The following RNF220 variants were observed in gnomAD, a reference collection of about 807,000 sequenced individuals.
RNF220 encodes the protein ring finger protein 220, also known as E3 ubiquitin-protein ligase RNF220.
Under a neutral mutation model 67.1 loss-of-function variants are expected in RNF220, and 7 were observed. That is an observed-to-expected ratio of 0.10 (90% CI 0.06 to 0.20). RNF220 has a LOEUF of 0.20. Among genes scored for constraint, RNF220 ranks in the 10% least tolerant of loss-of-function variants. The pLI, the probability that RNF220 is intolerant of heterozygous loss-of-function variation, is 1.00. For synonymous variants in RNF220, 270 were observed against 283.2 expected, an observed-to-expected ratio of 0.95 and a Z score of 0.47; for missense variants, 565 against 740.3, an observed-to-expected ratio of 0.76 and a Z score of 2.75.
chr1:44,461,179 G>T (rs2147959794), intron 2 of RNF220, among the ~76,000 whole-genome samples: 1 of 152,216 alleles, frequency 6.6e-6, no homozygotes, highest in African/African-American at 2.4e-5. Flanking sequence ...AAAATACCCA[G>T]CAACAGGTAA....
At chr1:44,410,708 G>T (rs1237040064) in intron 1 of RNF220, 3 of 152,174 alleles carry the variant, frequency 2.0e-5, no homozygotes, top group African/African-American at 7.2e-5. Flanking sequence ...TAAAAGGGAC[G>T]AGGTAGATTT....
rs566162476 is a variant in RNF220, at chr1:44,592,914, A to G, written c.626-21251A>G. 9.3e-4 allele frequency among the ~76,000 whole-genome samples: 141 copies of G among 152,286 alleles called. 2 individuals are homozygous for G. Among genetic ancestry groups the G allele is most frequent in the African/African-American group, 3.1e-3 (129 of 41,562 alleles). On this transcript the variant is annotated intron_variant, in intron 2 of 14. Transcript: ENST00000361799. ...TTCTGCCTACAATGGAGCCACCAGG[A>G]TAGGACGCAGGGAGTGGGAGTAGAG...
chr1:44,606,711 T>C lies in RNF220; in HGVS notation c.626-7454T>C, dbSNP rs537663524. ...GTTCCAGACACTCTTCCTAGTGTAT[T>C]CTCTCTCCCTAGGTGATCTTGCCTA... On this transcript the variant is annotated intron_variant, in intron 2 of 14. Transcript: ENST00000361799. This position sits in a 1 kb window ranked among gnomAD's most constrained non-coding sequence, Gnocchi z 4.2. 6.6e-6 allele frequency among the ~76,000 whole-genome samples: 1 copy of C among 152,328 alleles called. No individual in the cohort carries two copies. The highest frequency in any genetic ancestry group is 2.1e-4 in the South Asian group (1 of 4,816).
At chr1:44,501,573 G>T (rs959314693) in intron 2 of RNF220, among the ~76,000 whole-genome samples, 3,832 of 152,256 alleles carry the variant, frequency 0.025, 141 homozygotes, top group African/African-American at 0.088. Context: ...GTCAAGAAAG[G>T]AAAGCAATGC....
chr1:44,450,994 T>TA (rs1402863055), intron 2 of RNF220, among the ~76,000 whole-genome samples: 1 of 152,060 alleles, frequency 6.6e-6, no homozygotes, highest in African/African-American at 2.4e-5. Flanking sequence ...CCATCCTGGC[T>TA]AACACAGTGA....
At chr1:44,631,923 G>C (rs1288268048) in intron 5 of RNF220, 41 of 987,596 alleles carry the variant, frequency 4.2e-5, no homozygotes, top group Non-Finnish European at 4.9e-5. Context: ...CCGCCGCATT[G>C]TGAACTTTCA....
chr1:44,598,963 C>G (rs2148393647), intron 2 of RNF220, among the ~76,000 whole-genome samples: 1 of 152,258 alleles, frequency 6.6e-6, no homozygotes, highest in East Asian at 1.9e-4. Context: ...TCCCCCACCC[C>G]ATCTCTCTTT....
intron 2 of RNF220, among the ~76,000 whole-genome samples, chr1:44,441,623 TAAG>T (rs1651566183): frequency 1.3e-5 from 2 of 152,140 alleles, no homozygotes; most frequent in African/African-American, 2.4e-5. Flanking sequence ...GCCTTGAAAG[TAAG>T]AAACATTTGT....
rs1033635888 is a variant in RNF220, at chr1:44,417,054, C to T, written c.625+4332C>T. Among the ~76,000 whole-genome samples, 8 of 152,136 alleles carry T rather than the reference C, an allele frequency of 5.3e-5. No homozygotes were observed. The highest frequency in any genetic ancestry group is 2.1e-4 in the South Asian group (1 of 4,822). The stretch of plus-strand genomic sequence containing the variant: ...GACTGGGGTGGGCAGGGACTCTACA[C>T]TGGGCTTTTAGGAGAGTTGTTCTTG... On this transcript the variant is annotated intron_variant, in intron 2 of 14. Coordinates refer to ENST00000361799, the MANE Select transcript of RNF220 (RefSeq NM_018150.4). This position sits in a 1 kb window ranked among gnomAD's most constrained non-coding sequence, Gnocchi z 4.0.
intron 5 of RNF220, among the ~76,000 whole-genome samples, chr1:44,627,344 CAAAAAAAAAAAA>C (rs35722890): frequency 2.4e-5 from 1 of 42,254 alleles, no homozygotes; most frequent in Non-Finnish European, 4.2e-5. Flanking sequence ...GACTCCGTCT[CAAAAAAAAAAAA>C]AAAAAAAAAA....
intron 2 of RNF220, among the ~76,000 whole-genome samples, chr1:44,598,343 G>T (rs1385405320): frequency 6.6e-6 from 1 of 152,228 alleles, no homozygotes; most frequent in Admixed American, 6.5e-5. Flanking sequence ...GGCTAATGCG[G>T]TAAGTGACAA....
intron 2 of RNF220, among the ~76,000 whole-genome samples, chr1:44,455,181 T>C (rs550542720): frequency 2.0e-5 from 3 of 152,358 alleles, no homozygotes; most frequent in African/African-American, 7.2e-5. Context: ...TTTCCTTTGC[T>C]TCTGTCAAAT....
chr1:44,450,405 G>C (rs17385463), intron 2 of RNF220, among the ~76,000 whole-genome samples: 30,049 of 151,820 alleles, frequency 0.2, 3,231 homozygotes, highest in Middle Eastern at 0.26. Flanking sequence ...AAAAGTAAAA[G>C]CTTCTTACTC....
At chr1:44,498,581 G>A (rs892367594) in intron 2 of RNF220, among the ~76,000 whole-genome samples, 1 of 152,072 alleles carries the variant, frequency 6.6e-6, no homozygotes, top group South Asian at 2.1e-4. Flanking sequence ...CATTTTCCTG[G>A]TGATCCTAAT....
At chr1:44,496,350 A>C (rs1364795357) in intron 2 of RNF220, among the ~76,000 whole-genome samples, 1 of 152,244 alleles carries the variant, frequency 6.6e-6, no homozygotes, top group East Asian at 1.9e-4. Flanking sequence ...TAATATTTAT[A>C]ACTGAAGCTG....
intron 2 of RNF220, among the ~76,000 whole-genome samples, chr1:44,439,932 G>A (rs1298052631): frequency 2.0e-5 from 3 of 151,834 alleles, no homozygotes; most frequent in Non-Finnish European, 2.9e-5. Flanking sequence ...TGCTAGAGAC[G>A]GGAACAAAAG....
chr1:44,620,549 C>T (rs1024881278), intron 3 of RNF220, among the ~76,000 whole-genome samples: 10 of 152,236 alleles, frequency 6.6e-5, no homozygotes, highest in African/African-American at 1.7e-4. Context: ...AAAGCAGCTC[C>T]GTGCCCTTCT....
intron 2 of RNF220, among the ~76,000 whole-genome samples, chr1:44,579,583 A>G (rs1665082885): frequency 6.6e-6 from 1 of 152,202 alleles, no homozygotes; most frequent in Admixed American, 6.5e-5. Context: ...GCTATTTGCT[A>G]GGACTTTGGG....
intron 2 of RNF220, among the ~76,000 whole-genome samples, chr1:44,433,744 C>T (rs1279595568): frequency 1.3e-5 from 2 of 152,058 alleles, no homozygotes; most frequent in Non-Finnish European, 2.9e-5. Context: ...GCTGAGGCCT[C>T]CTGAGGCCAG....
Sources: gnomAD v4.1 joint callset for allele counts (sites outside exome capture counted in the v4.1 genomes callset) on GRCh38, gnomAD v4.1.1 for gene constraint, Gnocchi (gnomAD v3.1) non-coding constraint, MANE v1.5 for transcripts, NCBI Gene and HGNC (gene_info 2026-07-23, HGNC 2026-07-21) for gene names.